Variants in ASIC2 observed in about 807,000 individuals in gnomAD.
ASIC2 encodes the protein acid sensing ion channel subunit 2.
Under a neutral mutation model 57.3 loss-of-function variants are expected in ASIC2, and 25 were observed. The observed-to-expected ratio is 0.44, with a 90% CI of 0.32 to 0.61. The LOEUF (loss-of-function observed/expected upper bound fraction) is 0.61, where lower values mean the gene tolerates loss of function less well. Ranked by LOEUF, ASIC2 falls within the 20% of genes least tolerant of loss-of-function variation. ASIC2 has a pLI of 0.06. For synonymous variants in ASIC2, 319 were observed against 307.5 expected, an observed-to-expected ratio of 1.04 and a Z score of -0.39; for missense variants, 641 against 738.1, an observed-to-expected ratio of 0.87 and a Z score of 1.52.
chr17:33,239,790 C>G (rs899835539), intron 1 of ASIC2, among the ~76,000 whole-genome samples: 2 of 152,214 alleles, frequency 1.3e-5, no homozygotes, highest in Non-Finnish European at 2.9e-5. Context: ...TATTCAGTGT[C>G]TACTTACAGT....
chr17:33,708,246 G>C (rs1908920528), intron 1 of ASIC2, among the ~76,000 whole-genome samples: 1 of 152,202 alleles, frequency 6.6e-6, no homozygotes, highest in Non-Finnish European at 1.5e-5. Flanking sequence ...CAGAGTTCCA[G>C]AATGGAAATT....
At chr17:33,601,795 C>T (rs770200754) in intron 1 of ASIC2, among the ~76,000 whole-genome samples, 8 of 152,178 alleles carry the variant, frequency 5.3e-5, no homozygotes, top group Non-Finnish European at 1.0e-4. Flanking sequence ...CTGCCTGAGG[C>T]GTTAGGGGCC....
At chr17:33,876,536 C>T (rs1044983607) in intron 1 of ASIC2, among the ~76,000 whole-genome samples, 2 of 152,224 alleles carry the variant, frequency 1.3e-5, no homozygotes, top group Admixed American at 1.3e-4. Flanking sequence ...CTTGATTGTA[C>T]TATCTCCATT....
At chr17:33,383,874 A>G (rs1909575892) in intron 1 of ASIC2, among the ~76,000 whole-genome samples, 1 of 152,198 alleles carries the variant, frequency 6.6e-6, no homozygotes, top group East Asian at 1.9e-4. Context: ...CCAGAAACTA[A>G]CTGCACAGGG....
At chr17:33,765,230 C>T (rs531702430) in intron 1 of ASIC2, among the ~76,000 whole-genome samples, 62 of 152,262 alleles carry the variant, frequency 4.1e-4, no homozygotes, top group African/African-American at 1.2e-3. Flanking sequence ...CTCAACCTCC[C>T]GAGTAGCTGG....
intron 3 of ASIC2, among the ~76,000 whole-genome samples, chr17:33,077,564 CAG>C (rs939345359): frequency 1.2e-4 from 19 of 152,186 alleles, no homozygotes; most frequent in Admixed American, 1.1e-3. Context: ...GGGAGAGAGA[CAG>C]AGAGTGAAAG....
intron 1 of ASIC2, among the ~76,000 whole-genome samples, chr17:33,780,486 C>T (rs1478062709): frequency 2.0e-5 from 3 of 152,246 alleles, no homozygotes; most frequent in Admixed American, 6.5e-5. Flanking sequence ...GCAAAGCACA[C>T]ACTACACCTA....
At chr17:33,849,650 G>T (rs1913710817) in intron 1 of ASIC2, among the ~76,000 whole-genome samples, 1 of 152,182 alleles carries the variant, frequency 6.6e-6, no homozygotes, top group Non-Finnish European at 1.5e-5. Flanking sequence ...GTGATTAAGA[G>T]TTAACCAAGT....
chr17:33,501,471 A>G (rs981068820), intron 1 of ASIC2, among the ~76,000 whole-genome samples: 1 of 152,240 alleles, frequency 6.6e-6, no homozygotes, highest in African/African-American at 2.4e-5. Flanking sequence ...CTGGCACAGA[A>G]AGGTAAAACA....
chr17:33,096,454 A>G (rs2092180005), intron 2 of ASIC2, among the ~76,000 whole-genome samples: 1 of 152,246 alleles, frequency 6.6e-6, no homozygotes, highest in Non-Finnish European at 1.5e-5. Flanking sequence ...GAAAAAAGTC[A>G]GGCTGCTTCT....
intron 1 of ASIC2, chr17:34,039,014 C>T: frequency 6.2e-7 from 1 of 1,614,136 alleles, no homozygotes; most frequent in Admixed American, 1.7e-5. Flanking sequence ...ATGCTCTTAT[C>T]TCTACACGCC....
intron 1 of ASIC2, among the ~76,000 whole-genome samples, chr17:33,662,663 AT>A (rs1348382456): frequency 0.024 from 2,718 of 115,006 alleles, 75 homozygotes; most frequent in African/African-American, 0.07. Flanking sequence ...AAATAAATAA[AT>A]AAATAAGTAA....
chr17:33,155,561 TTTC>T (rs1214332417), intron 1 of ASIC2, among the ~76,000 whole-genome samples: 30 of 121,832 alleles, frequency 2.5e-4, no homozygotes, highest in African/African-American at 3.3e-4. Context: ...TCTTTCTTTC[TTTC>T]TTTTTTTTTT....
chr17:33,178,941 C>T (rs1905871954), intron 1 of ASIC2, among the ~76,000 whole-genome samples: 1 of 152,200 alleles, frequency 6.6e-6, no homozygotes, highest in Admixed American at 6.5e-5. Flanking sequence ...CATTGCAGCC[C>T]AGAACTCATC....
intron 1 of ASIC2, among the ~76,000 whole-genome samples, chr17:33,919,289 C>G (rs901112295): frequency 2.0e-5 from 3 of 152,068 alleles, no homozygotes; most frequent in African/African-American, 7.2e-5. Context: ...GCTGATGAGC[C>G]CAAAAACCCT....
intron 1 of ASIC2, among the ~76,000 whole-genome samples, chr17:33,233,664 A>G (rs570874959): frequency 1.3e-5 from 2 of 152,010 alleles, no homozygotes; most frequent in South Asian, 2.1e-4. Flanking sequence ...GATGTAGGCC[A>G]CACATGCTGT....
chr17:33,492,505 A>G lies in ASIC2; in HGVS notation c.556-380438T>C, dbSNP rs73273242. ...CCTTCAGTTTGACATTATCCTTCCC[A>G]CATAGAAACTCAGAAAATCACACTC... is the stretch of plus-strand genomic sequence containing the variant. On this transcript the variant is annotated intron_variant, in intron 1 of 9. Coordinates refer to the ASIC2 transcript ENST00000359872. Among the ~76,000 whole-genome samples the G allele has an allele frequency of 4.8e-3, 727 of 152,352 alleles. 10 individuals carry two copies. Among genetic ancestry groups the G allele is most frequent in the African/African-American group, 0.017 (699 of 41,574 alleles).
rs16968896 is a variant in ASIC2, at chr17:33,791,347, T to G, written c.555+364631A>C. ...TGAGCAAATTGAAGCCCTGCAGAGA[T>G]ATGGAGAAGCATCAGGGTGTAAATA... is the stretch of plus-strand genomic sequence containing the variant. On this transcript the variant is annotated intron_variant, in intron 1 of 9. Transcript: ENST00000359872. 2.0e-5 allele frequency among the ~76,000 whole-genome samples: 3 copies of G among 152,220 alleles called. No individual in the cohort carries two copies. In the South Asian group the frequency reaches 6.2e-4, roughly 32 times the overall value.
intron 1 of ASIC2, among the ~76,000 whole-genome samples, chr17:33,462,162 A>G (rs1180471694): frequency 2.0e-5 from 3 of 152,180 alleles, no homozygotes; most frequent in African/African-American, 7.2e-5. Context: ...CAAAGGTGAC[A>G]ATTGGGATTA....
Sources: gnomAD v4.1 joint callset for allele counts (sites outside exome capture counted in the v4.1 genomes callset) on GRCh38, gnomAD v4.1.1 for gene constraint, MANE v1.5 for transcripts, NCBI Gene and HGNC (gene_info 2026-07-23, HGNC 2026-07-21) for gene names.